The following NRG3 variants were observed in gnomAD, a reference collection of about 807,000 sequenced individuals.
NRG3 encodes the protein neuregulin 3.
Under a neutral mutation model 66.9 loss-of-function variants are expected in NRG3, and 31 were observed. That is an observed-to-expected ratio of 0.46 (90% confidence interval 0.35 to 0.63). The LOEUF is 0.63. NRG3 is among the 20% of genes least tolerant of loss of function. The pLI, the probability that NRG3 is intolerant of heterozygous loss-of-function variation, is 0.00. For synonymous variants in NRG3, 393 were observed against 359.4 expected (o/e 1.09, Z -1.06); for missense variants, 910 against 878.9 (o/e 1.04, Z -0.45).
intron 2 of NRG3, among the ~76,000 whole-genome samples, chr10:82,537,103 T>A (rs986570336): frequency 6.6e-6 from 1 of 151,984 alleles, no homozygotes; most frequent in African/African-American, 2.4e-5. Flanking sequence ...GCATGTAATG[T>A]TCACCTCATG....
chr10:82,893,311 C>A (rs1843334189), intron 4 of NRG3, among the ~76,000 whole-genome samples: 2 of 152,072 alleles, frequency 1.3e-5, no homozygotes, highest in African/African-American at 4.8e-5. Context: ...CCAGTTATGC[C>A]TTTTATAATC....
intron 2 of NRG3, among the ~76,000 whole-genome samples, chr10:82,634,030 CAT>C (rs1051335303): frequency 1.3e-5 from 2 of 152,066 alleles, no homozygotes; most frequent in Non-Finnish European, 2.9e-5. Flanking sequence ...AGAACTTGGG[CAT>C]ATAGAGATTA....
At chr10:82,666,802 T>C (rs2052823764) in intron 2 of NRG3, among the ~76,000 whole-genome samples, 1 of 152,256 alleles carries the variant, frequency 6.6e-6, no homozygotes, top group South Asian at 2.1e-4. Context: ...AGAGGTAATC[T>C]GAAAATAGAA....
At chr10:82,090,356 G>A (rs1590069611) in intron 1 of NRG3, among the ~76,000 whole-genome samples, 1 of 152,204 alleles carries the variant, frequency 6.6e-6, no homozygotes, top group East Asian at 1.9e-4. Flanking sequence ...TCTCCTGTGA[G>A]GACAATAATA....
At chr10:82,515,199 A>G (rs547745313) in intron 2 of NRG3, among the ~76,000 whole-genome samples, 1 of 152,294 alleles carries the variant, frequency 6.6e-6, no homozygotes, top group Admixed American at 6.5e-5. Context: ...ATTTCAAAAG[A>G]AAAAAACAAA....
chr10:82,304,952 G>A (rs1030248038), intron 1 of NRG3, among the ~76,000 whole-genome samples: 1 of 134,388 alleles, frequency 7.4e-6, no homozygotes, highest in East Asian at 2.2e-4. Context: ...TCATCTTCTG[G>A]TTTGCATGTT....
At position 82,973,892 on chromosome 10, in the gene NRG3, A is replaced by G. The variant is rs1237931259; in HGVS notation, c.1389A>G (p.Gly463=). 1.9e-6 allele frequency: 3 copies of G among 1,614,048 alleles called. No homozygotes were observed. In the East Asian group the frequency reaches 6.7e-5, roughly 36 times the overall value. ...SFPEVPSPDR[G]SQSVKHHRSL... The stretch of plus-strand genomic sequence containing the variant: ...CTGAGGTCCCTTCTCCTGACAGAGG[A>G]AGCCAGTCTGTCAAACACCACAGGT... Residue 463 remains glycine (G), a synonymous_variant, in exon 7 of 9, where the codon GGA becomes GGG. Coordinates refer to ENST00000372141, the MANE Select transcript of NRG3 (RefSeq NM_001010848.4).
chr10:82,702,591 G>A (rs929406129), intron 2 of NRG3, among the ~76,000 whole-genome samples: 2 of 152,162 alleles, frequency 1.3e-5, no homozygotes, highest in African/African-American at 2.4e-5. Flanking sequence ...TTGGAGTGAG[G>A]CAGATACAGT....
At chr10:82,117,757 A>G (rs538865632) in intron 1 of NRG3, among the ~76,000 whole-genome samples, 2 of 152,262 alleles carry the variant, frequency 1.3e-5, no homozygotes, top group Admixed American at 6.5e-5. Flanking sequence ...AGAGTTTTGT[A>G]GCCCATGCCT....
At chr10:82,354,915 C>G (rs1313220089) in intron 1 of NRG3, among the ~76,000 whole-genome samples, 1 of 152,146 alleles carries the variant, frequency 6.6e-6, no homozygotes, top group Non-Finnish European at 1.5e-5. Flanking sequence ...CCTTGAAATA[C>G]AAATTGGTAT....
chr10:82,000,432 G>T (rs2061118340), intron 1 of NRG3, among the ~76,000 whole-genome samples: 1 of 151,896 alleles, frequency 6.6e-6, no homozygotes, highest in Non-Finnish European at 1.5e-5. Flanking sequence ...TGTCAGGTTT[G>T]TAGCGTAGAT....
intron 2 of NRG3, among the ~76,000 whole-genome samples, chr10:82,470,236 A>G (rs1841121827): frequency 6.6e-6 from 1 of 152,230 alleles, no homozygotes; most frequent in Non-Finnish European, 1.5e-5. Context: ...CAGTAAAGAT[A>G]TCTTTCAGTG....
At chr10:82,890,607 T>C (rs1198499539) in intron 4 of NRG3, among the ~76,000 whole-genome samples, 1 of 152,202 alleles carries the variant, frequency 6.6e-6, no homozygotes, top group East Asian at 1.9e-4. Flanking sequence ...TTAGTAGCCA[T>C]CTTTGTATAA....
chr10:82,382,117 T>C (rs555535909), intron 2 of NRG3, among the ~76,000 whole-genome samples: 50 of 152,218 alleles, frequency 3.3e-4, no homozygotes, highest in Non-Finnish European at 7.1e-4. Context: ...TTATAATTGT[T>C]TTATTTGTAT....
chr10:82,657,513 T>C (rs1052986402), intron 2 of NRG3, among the ~76,000 whole-genome samples: 3 of 152,178 alleles, frequency 2.0e-5, no homozygotes, highest in African/African-American at 7.2e-5. Flanking sequence ...TGGTGATGGC[T>C]TTGTGCAAAT....
intron 1 of NRG3, among the ~76,000 whole-genome samples, chr10:82,135,562 T>G (rs528281039): frequency 6.6e-6 from 1 of 152,062 alleles, no homozygotes; most frequent in South Asian, 2.1e-4. Flanking sequence ...TATTTTGTAA[T>G]AGCCTGTCTT....
At chr10:82,976,835 G>A (rs767214406) in intron 7 of NRG3, among the ~76,000 whole-genome samples, 5 of 151,914 alleles carry the variant, frequency 3.3e-5, no homozygotes, top group Non-Finnish European at 7.4e-5. Context: ...CCTGCAGTGC[G>A]GCCCCCTCCT....
intron 1 of NRG3, among the ~76,000 whole-genome samples, chr10:81,925,752 A>G (rs972819388): frequency 1.3e-5 from 2 of 152,078 alleles, no homozygotes; most frequent in Middle Eastern, 3.4e-3. Context: ...TTTTTTAAAA[A>G]AAAAAGAGAA....
At chr10:82,633,199 A>G (rs1468713443) in intron 2 of NRG3, among the ~76,000 whole-genome samples, 1 of 152,186 alleles carries the variant, frequency 6.6e-6, no homozygotes, top group African/African-American at 2.4e-5. Flanking sequence ...CTTATAGTGC[A>G]TTTGCTAGAA....
Sources: gnomAD v4.1 joint callset for allele counts (sites outside exome capture counted in the v4.1 genomes callset) on GRCh38, gnomAD v4.1.1 for gene constraint, MANE v1.5 for transcripts, NCBI Gene and HGNC (gene_info 2026-07-23, HGNC 2026-07-21) for gene names.